The following STXBP3 variants were observed in gnomAD, a reference collection of about 807,000 sequenced individuals.
STXBP3 encodes syntaxin binding protein 3.
Under a neutral mutation model 85.7 loss-of-function variants are expected in STXBP3, and 41 were observed. That is an observed-to-expected ratio of 0.48 (90% CI 0.37 to 0.62). The LOEUF (loss-of-function observed/expected upper bound fraction) is 0.62, where lower values mean the gene tolerates loss of function less well. Ranked by LOEUF, STXBP3 falls within the 20% of genes least tolerant of loss-of-function variation. The probability of loss-of-function intolerance (pLI) is 0.00; values close to 1 mark genes in which losing one functional copy is unlikely to be tolerated. For missense variants in STXBP3, 563 were observed against 703.1 expected (o/e 0.80, Z 2.25); for synonymous variants, 229 against 231.7 (o/e 0.99, Z 0.10).
chr1:108,775,111 TTTAA>T (rs1456598001), intron 7 of STXBP3, among the ~76,000 whole-genome samples: 3 of 152,240 alleles, frequency 2.0e-5, no homozygotes, highest in Admixed American at 6.5e-5. Flanking sequence ...TTGTACAGAG[TTTAA>T]TTATTGTACA....
intron 6 of STXBP3, among the ~76,000 whole-genome samples, chr1:108,761,593 A>G (rs1662142632): frequency 6.6e-6 from 1 of 152,146 alleles, no homozygotes; most frequent in African/African-American, 2.4e-5. Context: ...TTTACAAAAT[A>G]TTGTGATTAT....
intron 3 of STXBP3, among the ~76,000 whole-genome samples, chr1:108,754,120 C>T (rs1195073887): frequency 1.3e-5 from 2 of 151,426 alleles, no homozygotes; most frequent in Non-Finnish European, 2.9e-5. Context: ...GCAGCCTCCT[C>T]CTCCTGGGTT....
rs11581193 is a variant in STXBP3, at chr1:108,771,452, C to G, written c.439-1213C>G. ...ATATATGATATATATCTATATATAT[C>G]ATATATAAATATATATGATATATAT... On this transcript the variant is annotated intron_variant, in intron 6 of 18. Transcript: ENST00000370008. Among the ~76,000 whole-genome samples the G allele has an allele frequency of 7.7e-4, 7 of 9,122 alleles. 2 individuals are homozygous for G. The highest frequency in any genetic ancestry group is 1.4e-3 in the Non-Finnish European group (6 of 4,248). The allele number at this position is 9,122 out of a possible 152,430, so 6.0% of individuals were successfully genotyped here.
At chr1:108,765,214 A>G (rs190648572) in intron 6 of STXBP3, among the ~76,000 whole-genome samples, 87 of 152,254 alleles carry the variant, frequency 5.7e-4, no homozygotes, top group Non-Finnish European at 6.5e-4. Context: ...TGGGCTCTCT[A>G]TTCTGTTTCA....
rs554827525 is a variant in STXBP3, at chr1:108,793,134, C to T, written c.964-448C>T. Among the ~76,000 whole-genome samples the T allele has an allele frequency of 1.1e-4, 16 of 147,762 alleles. No homozygotes were observed. In the South Asian group the frequency reaches 3.4e-3, roughly 32 times the overall value. ...GCACTCTGCTTCCCAAAATCTACCT[C>T]ACAGCCCCAAGCTCTTATCTCCATT... is the stretch of plus-strand genomic sequence containing the variant. On this transcript the variant is annotated intron_variant, in intron 11 of 18. Transcript: ENST00000370008.
chr1:108,756,373 G>A (rs1662017604), intron 3 of STXBP3, among the ~76,000 whole-genome samples: 1 of 151,892 alleles, frequency 6.6e-6, no homozygotes, highest in South Asian at 2.1e-4. Flanking sequence ...TTCCTCATTT[G>A]TAAAATACTT....
chr1:108,760,663 T>C (rs1012820829), intron 6 of STXBP3, among the ~76,000 whole-genome samples: 2 of 152,192 alleles, frequency 1.3e-5, no homozygotes, highest in African/African-American at 4.8e-5. Context: ...TAATAGATTG[T>C]ACTTCTCCAT....
At position 108,784,302 on chromosome 1, in the gene STXBP3, G is replaced by T. The variant is rs1204816788; in HGVS notation, c.963+1596G>T. 6.6e-5 allele frequency among the ~76,000 whole-genome samples: 10 copies of T among 152,266 alleles called. No individual in the cohort carries two copies. In the East Asian group the frequency reaches 1.9e-3, roughly 29 times the overall value. On this transcript the variant is annotated intron_variant, in intron 11 of 18. Transcript: ENST00000370008. ...ACTGGGTAATTTATAAAGAAAAGAG[G>T]TTTAATTGACTCACAGTTCCACATG...
intron 11 of STXBP3, among the ~76,000 whole-genome samples, chr1:108,793,164 T>TTTC (rs771277582): frequency 1.4e-5 from 2 of 142,374 alleles, no homozygotes; most frequent in African/African-American, 2.6e-5. Flanking sequence ...TCCATTTTTT[T>TTTC]TTTTTTTTTT....
intron 7 of STXBP3, among the ~76,000 whole-genome samples, chr1:108,773,205 T>C (rs527678098): frequency 1.3e-5 from 2 of 152,306 alleles, no homozygotes; most frequent in South Asian, 4.2e-4. Context: ...GTATCTAATC[T>C]GCCTATTCTA....
intron 1 of STXBP3, 78 bp downstream of exon 1, chr1:108,746,864 C>G (rs1045542939): frequency 3.4e-6 from 5 of 1,481,160 alleles, no homozygotes; most frequent in Non-Finnish European, 4.6e-6. Context: ...CAGCCCCAAC[C>G]CAGCGGTCTG....
chr1:108,748,356 A>G (rs1248077879), intron 1 of STXBP3, among the ~76,000 whole-genome samples: 1 of 152,136 alleles, frequency 6.6e-6, no homozygotes, highest in Non-Finnish European at 1.5e-5. Flanking sequence ...CCCCATCTCT[A>G]CAAAAAAATT....
chr1:108,800,621 C>T (rs1663214324), intron 17 of STXBP3, among the ~76,000 whole-genome samples: 1 of 152,120 alleles, frequency 6.6e-6, no homozygotes, highest in South Asian at 2.1e-4. Flanking sequence ...GAGAATGTTA[C>T]AATGCATACC....
rs747856738 is a variant in STXBP3, at chr1:108,782,473, C to T, written c.861C>T (p.Asp287=). Residue 287 remains aspartate (D), a synonymous_variant, in exon 10 of 19, where the codon GAC becomes GAT. Coordinates refer to ENST00000370008, the MANE Select transcript of STXBP3 (RefSeq NM_007269.4). Reference sequence around the variant, plus strand: ...AGGCCATCCTTGAAGAAGAAGATGACCTCTGGGTTAGAATTCGACATCGAC... The same window carrying T: ...AGGCCATCCTTGAAGAAGAAGATGATCTCTGGGTTAGAATTCGACATCGAC... The part of the protein sequence containing the change: ...EKEAILEEED[D]LWVRIRHRHI... 1.2e-6 allele frequency: 2 copies of T among 1,613,626 alleles called. No individual in the cohort carries two copies. The highest frequency in any genetic ancestry group is 1.7e-5 in the Admixed American group (1 of 59,968).
intron 6 of STXBP3, among the ~76,000 whole-genome samples, chr1:108,761,027 C>A (rs1051167730): frequency 1.3e-5 from 2 of 152,044 alleles, no homozygotes; most frequent in Admixed American, 1.3e-4. Context: ...CCTCAGCCTC[C>A]CAAGTAGTTG....
chr1:108,757,308 G>A (rs1018966946), intron 4 of STXBP3, among the ~76,000 whole-genome samples: 17 of 151,942 alleles, frequency 1.1e-4, no homozygotes, highest in African/African-American at 3.9e-4. Flanking sequence ...ATCTGAGAAT[G>A]CATTTTTGAA....
chr1:108,766,948 C>A, intron 6 of STXBP3: 1 of 534,134 alleles, frequency 1.9e-6, no homozygotes, highest in Non-Finnish European at 3.8e-6. Context: ...GGCACTATTC[C>A]AATTTTATTG....
intron 6 of STXBP3, among the ~76,000 whole-genome samples, chr1:108,768,761 A>G (rs962468578): frequency 6.6e-6 from 1 of 152,232 alleles, no homozygotes; most frequent in Non-Finnish European, 1.5e-5. Flanking sequence ...AAAGTCAGAT[A>G]TGATAGTGCT....
rs1662666668 is a variant in STXBP3, at chr1:108,779,359, C to A, written c.758C>A (p.Thr253Asn). The change falls in exon 9 of 19, where the codon ACC becomes AAC. Residue 253 changes from threonine to asparagine, a missense_variant. Physicochemically the swap from Thr to Asn is moderately conservative, Grantham distance 65 (BLOSUM62 0). Transcript: ENST00000370008. ...DPVSTVLHEL[T>N]FQAMAYDLLP... ...GTGTCCACTGTCCTGCATGAACTGA[C>A]CTTTCAGGCAATGGCATATGATCTA... 6.2e-7 allele frequency: 1 copy of A among 1,612,908 alleles called. No individual in the cohort carries two copies. Among genetic ancestry groups the A allele is most frequent in the Non-Finnish European group, 8.5e-7 (1 of 1,179,282 alleles).
Sources: gnomAD v4.1 joint callset for allele counts (sites outside exome capture counted in the v4.1 genomes callset) on GRCh38, gnomAD v4.1.1 for gene constraint, MANE v1.5 for transcripts, NCBI Gene and HGNC (gene_info 2026-07-23, HGNC 2026-07-21) for gene names.